Variants in MYLK observed in about 807,000 individuals in gnomAD.
The protein encoded by MYLK is myosin light chain kinase, smooth muscle.
In MYLK, 106 loss-of-function variants were observed where a neutral mutation model predicts 203.4. That is an observed-to-expected ratio of 0.52 (90% CI 0.45 to 0.61). The LOEUF is 0.61. Among genes scored for constraint, MYLK ranks in the 20% least tolerant of loss-of-function variants. The probability of loss-of-function intolerance (pLI) is 0.00; values close to 1 mark genes in which losing one functional copy is unlikely to be tolerated. For synonymous variants in MYLK, 867 were observed against 959.5 expected, an observed-to-expected ratio of 0.90 and a Z score of 1.78; for missense variants, 2,072 against 2,442.3, an observed-to-expected ratio of 0.85 and a Z score of 3.20.
At chr3:123,681,260 C>T (rs1304497764) in intron 20 of MYLK, 1 of 152,144 alleles carries the variant, frequency 6.6e-6, no homozygotes, top group African/African-American at 2.4e-5. Context: ...AAGCTGAGAT[C>T]CAAAAAGAGG....
Position 123,611,822 on chromosome 3 carries a change from G to A in MYLK, c.*2283C>T, listed in dbSNP as rs141953796. The A allele has an allele frequency of 0.012, 1,921 of 153,742 alleles. 38 individuals carry two copies. Among genetic ancestry groups the A allele is most frequent in the African/African-American group, 0.044 (1,814 of 41,558 alleles). The allele number at this position is 153,742 out of a possible 1,614,324, so 9.5% of individuals were successfully genotyped here. A position where few individuals can be genotyped will look rare whatever the true frequency, so the allele number is the denominator to read the frequency against. ...ATCAGGTGTTAGATTCTCATAAGGA[G>A]CGTGAAACCTAGATCCCTCACATGA... On this transcript the variant is annotated 3_prime_UTR_variant, in exon 34 of 34. Coordinates refer to ENST00000360304, the MANE Select transcript of MYLK (RefSeq NM_053025.4).
intron 10 of MYLK, 115 bp from the exon 11 acceptor site, chr3:123,733,217 G>A: frequency 8.7e-7 from 1 of 1,152,224 alleles, no homozygotes; most frequent in Non-Finnish European, 1.3e-6. Flanking sequence ...GTGTGGAGCT[G>A]CCCTCCCACC....
chr3:123,781,473 ATATC>A (rs1204151807), intron 4 of MYLK, among the ~76,000 whole-genome samples: 3 of 152,202 alleles, frequency 2.0e-5, no homozygotes, highest in Non-Finnish European at 2.9e-5. Context: ...TTCATTCTGC[ATATC>A]TTTCCCCAAG....
At chr3:123,864,234 T>G (rs115260537) in intron 2 of MYLK, among the ~76,000 whole-genome samples, 1,821 of 152,334 alleles carry the variant, frequency 0.012, 39 homozygotes, top group African/African-American at 0.042. Context: ...TTCTGTAGGA[T>G]GATGGTAATG....
intron 5 of MYLK, among the ~76,000 whole-genome samples, chr3:123,740,810 C>G (rs539541711): frequency 6.6e-6 from 1 of 152,264 alleles, no homozygotes; most frequent in East Asian, 1.9e-4. Flanking sequence ...ATAGTAGGCG[C>G]TATCCTACTG....
At chr3:123,787,873 T>C (rs2064599692) in intron 4 of MYLK, among the ~76,000 whole-genome samples, 1 of 152,342 alleles carries the variant, frequency 6.6e-6, no homozygotes, top group African/African-American at 2.4e-5. Flanking sequence ...TGTTTACCCT[T>C]TCTCCACAAA....
At chr3:123,873,340 A>C (rs752218217) in intron 2 of MYLK, among the ~76,000 whole-genome samples, 1 of 152,170 alleles carries the variant, frequency 6.6e-6, no homozygotes, top group African/African-American at 2.4e-5. Flanking sequence ...CTAATATCAT[A>C]CAAGATGATA....
intron 4 of MYLK, among the ~76,000 whole-genome samples, chr3:123,753,264 T>C (rs896432197): frequency 6.6e-6 from 1 of 152,248 alleles, no homozygotes; most frequent in Non-Finnish European, 1.5e-5. Flanking sequence ...ATTTTTGATA[T>C]GTTGAATTAA....
chr3:123,708,598 G>A, intron 15 of MYLK, 100 bp downstream of exon 15: 1 of 1,392,260 alleles, frequency 7.2e-7, no homozygotes, highest in South Asian at 1.3e-5. Context: ...GCCCTCAGTG[G>A]GAACAAAGTA....
intron 3 of MYLK, among the ~76,000 whole-genome samples, chr3:123,817,154 T>C (rs775402555): frequency 1.2e-4 from 18 of 152,200 alleles, no homozygotes; most frequent in Non-Finnish European, 2.2e-4. Context: ...GTTATGAGGA[T>C]ATTTTTAGTT....
intron 24 of MYLK, among the ~76,000 whole-genome samples, chr3:123,654,255 T>C (rs1379043186): frequency 6.6e-6 from 1 of 152,220 alleles, no homozygotes; most frequent in African/African-American, 2.4e-5. Flanking sequence ...GTTGGTATGT[T>C]TCCCATTGGT....
At chr3:123,830,337 C>T (rs1447003971) in intron 3 of MYLK, among the ~76,000 whole-genome samples, 1 of 152,228 alleles carries the variant, frequency 6.6e-6, no homozygotes, top group African/African-American at 2.4e-5. Context: ...AGTAGCAGGA[C>T]ACTGCTTTTC....
At chr3:123,811,059 CCT>C (rs2065542194) in intron 3 of MYLK, among the ~76,000 whole-genome samples, 1 of 152,302 alleles carries the variant, frequency 6.6e-6, no homozygotes, top group South Asian at 2.1e-4. Context: ...GAAATGGTGA[CCT>C]CTGAGAACCT....
chr3:123,748,171 G>A (rs1270737022), intron 5 of MYLK, among the ~76,000 whole-genome samples: 1 of 152,192 alleles, frequency 6.6e-6, no homozygotes, highest in Non-Finnish European at 1.5e-5. Context: ...GTCAGATGAC[G>A]AGAGGGAGAA....
Position 123,739,944 on chromosome 3 carries a change from A to T in MYLK, c.422+9T>A, listed in dbSNP as rs1235130910. 1 of 1,613,888 alleles carries T rather than the reference A, an allele frequency of 6.2e-7. No individual in the cohort carries two copies. The highest frequency in any genetic ancestry group is 1.1e-5 in the South Asian group (1 of 91,054). On this transcript the variant is annotated intron_variant, in intron 6 of 33. Transcript: ENST00000360304. ...AACCCTTACTCTGTCTTGAACATCC[A>T]GGACTTACCCTAAGGTTTTGGAAAC...
rs1241245376 is a variant in MYLK, at chr3:123,612,566, G to C, written c.*1539C>G. On this transcript the variant is annotated 3_prime_UTR_variant, in exon 34 of 34. Coordinates refer to ENST00000360304, the MANE Select transcript of MYLK (RefSeq NM_053025.4). ...TAAAAACCCTTTATTATAATAAACT[G>C]TGGCAATACTGTGGCTATCATGAAA... 6.6e-6 allele frequency: 1 copy of C among 152,572 alleles called. No individual in the cohort carries two copies. Among genetic ancestry groups the C allele is most frequent in the Non-Finnish European group, 1.5e-5 (1 of 68,038 alleles). 9.5% of individuals were successfully genotyped at this position (152,572 alleles called of 1,614,324 possible).
At chr3:123,844,010 T>C (rs1303384328) in intron 2 of MYLK, among the ~76,000 whole-genome samples, 2 of 152,162 alleles carry the variant, frequency 1.3e-5, no homozygotes, top group African/African-American at 4.8e-5. Context: ...TTTTCCCTCC[T>C]TGCTCCCACA....
At chr3:123,705,963 T>C (rs1254300389) in intron 16 of MYLK, among the ~76,000 whole-genome samples, 3 of 152,128 alleles carry the variant, frequency 2.0e-5, no homozygotes, top group Non-Finnish European at 2.9e-5. Flanking sequence ...ACCTAGGGGG[T>C]AAGCGTGTAC....
At position 123,859,847 on chromosome 3, in the gene MYLK, A is replaced by G. The variant is rs77259987; in HGVS notation, c.-127+16712T>C. On this transcript the variant is annotated intron_variant, in intron 2 of 33. Coordinates refer to ENST00000360304, the MANE Select transcript of MYLK (RefSeq NM_053025.4). ...TAAATGACTGGTATCTGTTTCTGGT[A>G]ACGTGTGGGGATCAAATTGCTGCCA... 3.0e-3 allele frequency among the ~76,000 whole-genome samples: 457 copies of G among 152,306 alleles called. 2 individuals are homozygous for G. Among genetic ancestry groups the G allele is most frequent in the African/African-American group, 0.01 (420 of 41,572 alleles).
Sources: gnomAD v4.1 joint callset for allele counts (sites outside exome capture counted in the v4.1 genomes callset) on GRCh38, gnomAD v4.1.1 for gene constraint, MANE v1.5 for transcripts, NCBI Gene and HGNC (gene_info 2026-07-23, HGNC 2026-07-21) for gene names.